TMTC2: variants seen among roughly 807,000 people sequenced by gnomAD.
TMTC2 encodes protein O-mannosyl-transferase TMTC2.
TMTC2 carries 43 observed loss-of-function variants against 82.4 expected under a neutral mutation model. The ratio of observed to expected loss-of-function variants is 0.52; its 90% confidence interval spans 0.41 to 0.67. The LOEUF (loss-of-function observed/expected upper bound fraction) is 0.67, where lower values mean the gene tolerates loss of function less well. Ranked by LOEUF, TMTC2 falls within the 30% of genes least tolerant of loss-of-function variation. TMTC2 has a pLI of 0.00. For missense variants in TMTC2, 919 were observed against 1,012.4 expected (o/e 0.91, Z 1.25); for synonymous variants, 408 against 381.9 (o/e 1.07, Z -0.80).
At chr12:83,024,178 G>A (rs927888958) in intron 8 of TMTC2, among the ~76,000 whole-genome samples, 2 of 151,974 alleles carry the variant, frequency 1.3e-5, no homozygotes, top group Non-Finnish European at 2.9e-5. Flanking sequence ...CTCTGACTTG[G>A]TCATTATATG....
intron 3 of TMTC2, among the ~76,000 whole-genome samples, chr12:82,923,843 C>T (rs772980859): frequency 3.9e-5 from 6 of 152,036 alleles, no homozygotes; most frequent in Non-Finnish European, 8.8e-5. Context: ...AATATTCCTC[C>T]ATTTCTTTTA....
At chr12:82,693,013 T>C (rs957927212) in intron 1 of TMTC2, among the ~76,000 whole-genome samples, 1 of 152,254 alleles carries the variant, frequency 6.6e-6, no homozygotes, top group Non-Finnish European at 1.5e-5. Context: ...TATTACTACA[T>C]ATGAGCTTCT....
At chr12:82,902,611 A>G (rs1209355160) in intron 3 of TMTC2, among the ~76,000 whole-genome samples, 1 of 152,220 alleles carries the variant, frequency 6.6e-6, no homozygotes, top group Non-Finnish European at 1.5e-5. Flanking sequence ...ACCAGCAGCC[A>G]TGGTGACCTT....
At chr12:83,055,649 A>G (rs1385907116) in intron 10 of TMTC2, among the ~76,000 whole-genome samples, 1 of 151,942 alleles carries the variant, frequency 6.6e-6, no homozygotes, top group Non-Finnish European at 1.5e-5. Context: ...GGAAATATAG[A>G]GGGACTAAAA....
chr12:83,018,361 G>A lies in TMTC2; in HGVS notation c.2071-12437G>A, dbSNP rs146462563. On this transcript the variant is annotated intron_variant, in intron 8 of 11. Coordinates refer to ENST00000321196, the MANE Select transcript of TMTC2 (RefSeq NM_152588.3). ...TCCGTTTTGTGAGCTCAGGCCTCCC[G>A]TTTGGGAGCCAAACAGCATAGCACT... Among the ~76,000 whole-genome samples, 5 of 152,256 alleles carry A rather than the reference G, an allele frequency of 3.3e-5. No homozygotes were observed. The East Asian group carries it at 5.8e-4, about 18-fold the overall frequency.
intron 1 of TMTC2, among the ~76,000 whole-genome samples, chr12:82,845,252 A>AATATATATATATATATATAT (rs1555190263): frequency 2.1e-4 from 8 of 38,806 alleles, no homozygotes; most frequent in African/African-American, 8.2e-4. Flanking sequence ...AAAAAAAAAA[A>AATATATATATATATATATAT]ATATATATAT....
At chr12:83,049,516 G>A (rs1882267588) in intron 9 of TMTC2, among the ~76,000 whole-genome samples, 1 of 152,162 alleles carries the variant, frequency 6.6e-6, no homozygotes, top group African/African-American at 2.4e-5. Context: ...TGGCTGCATA[G>A]TATTCCATGG....
At chr12:83,128,882 G>A (rs952628908) in intron 11 of TMTC2, among the ~76,000 whole-genome samples, 4 of 152,096 alleles carry the variant, frequency 2.6e-5, no homozygotes, top group African/African-American at 9.7e-5. Flanking sequence ...AAACAACCAT[G>A]TTGTAAAAAG....
chr12:82,830,105 G>T (rs1232377955), intron 1 of TMTC2, among the ~76,000 whole-genome samples: 1 of 152,166 alleles, frequency 6.6e-6, no homozygotes, highest in African/African-American at 2.4e-5. Flanking sequence ...GATGAGATTT[G>T]CCAGTGCCCT....
At chr12:82,764,467 G>C (rs1377355784) in intron 1 of TMTC2, among the ~76,000 whole-genome samples, 1 of 152,000 alleles carries the variant, frequency 6.6e-6, no homozygotes, top group Non-Finnish European at 1.5e-5. Flanking sequence ...GAGGCTTTCT[G>C]TTAAAGTCAG....
At chr12:83,062,915 A>G (rs1274868261) in intron 11 of TMTC2, among the ~76,000 whole-genome samples, 1 of 151,772 alleles carries the variant, frequency 6.6e-6, no homozygotes, top group Non-Finnish European at 1.5e-5. Flanking sequence ...AACGCCTCGA[A>G]GTTTTATTTG....
chr12:82,909,067 T>C (rs1265688158), intron 3 of TMTC2, among the ~76,000 whole-genome samples: 1 of 152,222 alleles, frequency 6.6e-6, no homozygotes, highest in Non-Finnish European at 1.5e-5. Flanking sequence ...CCAAGGAATA[T>C]TTTTGCCTAT....
At chr12:83,079,847 A>G (rs1883405117) in intron 11 of TMTC2, among the ~76,000 whole-genome samples, 1 of 152,186 alleles carries the variant, frequency 6.6e-6, no homozygotes, top group Non-Finnish European at 1.5e-5. Context: ...ATTATTTAGA[A>G]TTTATAATTT....
intron 11 of TMTC2, among the ~76,000 whole-genome samples, chr12:83,063,093 G>A (rs1882800109): frequency 6.6e-6 from 1 of 151,726 alleles, no homozygotes; most frequent in East Asian, 1.9e-4. Context: ...ATTTTTTATA[G>A]ACATCATGCA....
At chr12:82,742,152 C>T (rs1483597280) in intron 1 of TMTC2, among the ~76,000 whole-genome samples, 1 of 152,134 alleles carries the variant, frequency 6.6e-6, no homozygotes, top group Non-Finnish European at 1.5e-5. Flanking sequence ...CGCATCCCTA[C>T]TTATTTACTG....
chr12:83,087,220 C>T (rs1206542383), intron 11 of TMTC2, among the ~76,000 whole-genome samples: 1 of 152,180 alleles, frequency 6.6e-6, no homozygotes, highest in African/African-American at 2.4e-5. Flanking sequence ...CTCATCCATT[C>T]AAGTTTTTTC....
At chr12:83,116,449 A>G (rs2137553704) in intron 11 of TMTC2, among the ~76,000 whole-genome samples, 1 of 152,288 alleles carries the variant, frequency 6.6e-6, no homozygotes, top group East Asian at 1.9e-4. Context: ...CTGGGTAGAT[A>G]CCCACTAGTG....
In TMTC2 at chr12:82,965,007, C is replaced by A. The variant is rs780980826; in HGVS notation, c.1599-17C>A. The A allele has an allele frequency of 1.9e-6, 3 of 1,590,166 alleles. No individual in the cohort carries two copies. The highest frequency in any genetic ancestry group is 2.6e-6 in the Non-Finnish European group (3 of 1,165,278). ...ATAATACAGTCCTTTCTCTAAATTT[C>A]TGTTTTCCTCATGCAGAGGGCTACT... On this transcript the variant is annotated splice_polypyrimidine_tract_variant and intron_variant, in intron 4 of 11. Transcript: ENST00000321196.
chr12:82,949,170 G>A (rs1224435949), intron 4 of TMTC2, among the ~76,000 whole-genome samples: 1 of 152,108 alleles, frequency 6.6e-6, no homozygotes, highest in Non-Finnish European at 1.5e-5. Flanking sequence ...CCAACTGATA[G>A]GTGTTTCTTC....
Sources: gnomAD v4.1 joint callset for allele counts (sites outside exome capture counted in the v4.1 genomes callset) on GRCh38, gnomAD v4.1.1 for gene constraint, MANE v1.5 for transcripts, NCBI Gene and HGNC (gene_info 2026-07-23, HGNC 2026-07-21) for gene names.